The following RAP1B variants were observed in gnomAD, a reference collection of about 807,000 sequenced individuals.
RAP1B encodes ras-related protein Rap-1b.
Under a neutral mutation model 27.5 loss-of-function variants are expected in RAP1B, and 1 was observed. The ratio of observed to expected loss-of-function variants is 0.04; its 90% CI spans 0.01 to 0.17. RAP1B has a LOEUF of 0.17. RAP1B is among the 10% of genes least tolerant of loss of function. The probability of loss-of-function intolerance (pLI) is 1.00; values close to 1 mark genes in which losing one functional copy is unlikely to be tolerated. For synonymous variants in RAP1B, 75 were observed against 73.1 expected, an observed-to-expected ratio of 1.03 and a Z score of -0.13; for missense variants, 84 against 214.8, an observed-to-expected ratio of 0.39 and a Z score of 3.81.
chr12:68,653,694 C>T lies in RAP1B; in HGVS notation c.184-418C>T, dbSNP rs201375893. On this transcript the variant is annotated intron_variant, in intron 4 of 7. Coordinates refer to ENST00000250559, the MANE Select transcript of RAP1B (RefSeq NM_001010942.3). ...CTGTAATCCCAGCACTTTGGGAGGC[C>T]GAGACGGGCAGATCACAAGGTCAGG... Among the ~76,000 whole-genome samples, 64 of 151,920 alleles carry T rather than the reference C, an allele frequency of 4.2e-4. No homozygotes were observed. The East Asian group carries it at 0.011, about 27-fold the overall frequency.
chr12:68,639,166 A>C (rs958195216), intron 1 of RAP1B, among the ~76,000 whole-genome samples: 1 of 152,152 alleles, frequency 6.6e-6, no homozygotes, highest in Non-Finnish European at 1.5e-5. Flanking sequence ...AATTCAAATG[A>C]CTTTACCCGT....
At chr12:68,658,174 T>C (rs559407476) in intron 7 of RAP1B, among the ~76,000 whole-genome samples, 4 of 152,244 alleles carry the variant, frequency 2.6e-5, no homozygotes, top group Non-Finnish European at 5.9e-5. Flanking sequence ...TTTCTTCCTA[T>C]GTTAATTGAC....
In RAP1B at chr12:68,637,092, A is replaced by G. The variant is rs147206176; in HGVS notation, c.-26-11607A>G. On this transcript the variant is annotated intron_variant, in intron 1 of 7. Coordinates refer to ENST00000250559, the MANE Select transcript of RAP1B (RefSeq NM_001010942.3). ...CTTACTACTCTTCTTTTAAAAGTCT[A>G]TATACTTCTGTCATTTGCTGGAAAT... Among the ~76,000 whole-genome samples, 452 of 152,308 alleles carry G rather than the reference A, an allele frequency of 3.0e-3. 3 individuals are homozygous for G. Among genetic ancestry groups the G allele is most frequent in the African/African-American group, 0.01 (420 of 41,562 alleles).
intron 1 of RAP1B, chr12:68,642,410 TTACTG>T (rs2135949790): frequency 3.7e-6 from 2 of 547,756 alleles, no homozygotes; most frequent in East Asian, 3.3e-5. Flanking sequence ...ATTGGCTAAT[TTACTG>T]TGCCTAAAAT....
intron 1 of RAP1B, among the ~76,000 whole-genome samples, chr12:68,636,196 CATATTT>C (rs1872621346): frequency 6.6e-6 from 1 of 152,054 alleles, no homozygotes; most frequent in Non-Finnish European, 1.5e-5. Context: ...TTTTTTTTGG[CATATTT>C]TAAGGGACAG....
chr12:68,638,203 GT>G (rs897255644), intron 1 of RAP1B, among the ~76,000 whole-genome samples: 42 of 152,116 alleles, frequency 2.8e-4, no homozygotes, highest in African/African-American at 9.6e-4. Context: ...GTAGTCACTT[GT>G]TTTTAACTTC....
chr12:68,653,671 G>A (rs1297476952), intron 4 of RAP1B, among the ~76,000 whole-genome samples: 3 of 152,248 alleles, frequency 2.0e-5, no homozygotes, highest in Middle Eastern at 3.4e-3. Context: ...GTTCACGCCT[G>A]TAATCCCAGC....
At chr12:68,654,355 G>GGC (rs1555173472) in intron 5 of RAP1B, 103 bp downstream of exon 5, 6 of 464,108 alleles carry the variant, frequency 1.3e-5, no homozygotes, top group African/African-American at 1.3e-4. Flanking sequence ...TTTGGTTGGG[G>GGC]GGGGGGTGTT....
Position 68,666,114 on chromosome 12 carries a change from GT to G in RAP1B, c.*6866del, listed in dbSNP as rs1874837567. ...GATCCATCTGCTTCAGCCTCCCAAA[GT>G]GCTGGGATTACTGGCATGAGCCACT... On this transcript the variant is annotated 3_prime_UTR_variant, in exon 8 of 8. Coordinates refer to ENST00000250559, the MANE Select transcript of RAP1B (RefSeq NM_001010942.3). 6.6e-6 allele frequency: 1 copy of G among 152,356 alleles called. No homozygotes were observed. The highest frequency in any genetic ancestry group is 2.1e-4 in the South Asian group (1 of 4,834). The allele number at this position is 152,356 out of a possible 1,614,324, so 9.4% of individuals were successfully genotyped here.
intron 7 of RAP1B, chr12:68,657,725 A>AAC (rs61700927): frequency 0.11 from 14,267 of 125,746 alleles, 997 homozygotes; most frequent in Middle Eastern, 0.14. Context: ...CCTAATTTAA[A>AAC]ACACACACAC....
At position 68,636,778 on chromosome 12, in the gene RAP1B, G is replaced by T. The variant is rs573937394; in HGVS notation, c.-26-11921G>T. Among the ~76,000 whole-genome samples the T allele has an allele frequency of 3.5e-3, 536 of 151,732 alleles. 8 individuals carry two copies. Among genetic ancestry groups the T allele is most frequent in the African/African-American group, 0.012 (514 of 41,372 alleles). On this transcript the variant is annotated intron_variant, in intron 1 of 7. Transcript: ENST00000250559. The stretch of plus-strand genomic sequence containing the variant: ...AAGCAATTCTCCTGCCTCAGCCTCC[G>T]GAGTAGCTGGGATTACAGGTGTGCA...
intron 1 of RAP1B, among the ~76,000 whole-genome samples, chr12:68,637,704 A>G (rs1225470222): frequency 6.7e-6 from 1 of 149,620 alleles, no homozygotes; most frequent in Non-Finnish European, 1.5e-5. Context: ...TTATTTCCAG[A>G]TTTCATGTTT....
chr12:68,652,169 G>GT (rs766764801), intron 4 of RAP1B, 118 bp downstream of exon 4: 2 of 753,758 alleles, frequency 2.7e-6, no homozygotes, highest in Non-Finnish European at 4.2e-6. Context: ...CTTGCAGCCG[G>GT]TTGTAGTGGC....
intron 1 of RAP1B, among the ~76,000 whole-genome samples, chr12:68,639,616 C>T (rs1405235477): frequency 6.6e-6 from 1 of 152,140 alleles, no homozygotes; most frequent in Non-Finnish European, 1.5e-5. Flanking sequence ...GTTTTTGCTA[C>T]ACAGCTGAGG....
intron 7 of RAP1B, among the ~76,000 whole-genome samples, chr12:68,657,896 A>G (rs1874342009): frequency 6.6e-6 from 1 of 151,150 alleles, no homozygotes; most frequent in Non-Finnish European, 1.5e-5. Flanking sequence ...CACCCCTGAC[A>G]TGTTCATCAT....
At chr12:68,625,246 T>C (rs557955117) in intron 1 of RAP1B, among the ~76,000 whole-genome samples, 1 of 152,336 alleles carries the variant, frequency 6.6e-6, no homozygotes, top group South Asian at 2.1e-4. Context: ...TGCCTTTCAT[T>C]TTTCTGAGTG....
chr12:68,643,795 C>T (rs1873197935), intron 1 of RAP1B, among the ~76,000 whole-genome samples: 1 of 152,116 alleles, frequency 6.6e-6, no homozygotes, highest in Non-Finnish European at 1.5e-5. Context: ...AACAACTTCA[C>T]AATTCCTCTG....
intron 1 of RAP1B, among the ~76,000 whole-genome samples, chr12:68,615,396 G>A (rs961033365): frequency 6.6e-6 from 1 of 151,822 alleles, no homozygotes; most frequent in Admixed American, 6.6e-5. Context: ...TGTACAGGAG[G>A]AGTATATTCT....
At chr12:68,632,046 G>A (rs746761348) in intron 1 of RAP1B, among the ~76,000 whole-genome samples, 9 of 147,690 alleles carry the variant, frequency 6.1e-5, no homozygotes, top group Admixed American at 1.3e-4. Flanking sequence ...GTGCTTTACT[G>A]CAGGTTTTTT....
Sources: allele counts gnomAD v4.1 joint callset (sites outside exome capture counted in the v4.1 genomes callset), GRCh38; gene constraint gnomAD v4.1.1; transcripts MANE v1.5; gene names NCBI Gene and HGNC (gene_info 2026-07-23, HGNC 2026-07-21).